Variants in ZFYVE9 observed in about 807,000 individuals in gnomAD.
ZFYVE9 encodes the protein zinc finger FYVE domain-containing protein 9.
A neutral mutation model predicts 126.7 loss-of-function variants in ZFYVE9; 43 were observed. That is an observed-to-expected ratio of 0.34 (90% CI 0.27 to 0.44). The LOEUF (loss-of-function observed/expected upper bound fraction) is 0.44, where lower values mean the gene tolerates loss of function less well. Ranked by LOEUF, ZFYVE9 falls within the 20% of genes least tolerant of loss-of-function variation. The pLI, the probability that ZFYVE9 is intolerant of heterozygous loss-of-function variation, is 1.00. For missense variants in ZFYVE9, 1,476 were observed against 1,697.0 expected (o/e 0.87, Z 2.29); for synonymous variants, 521 against 597.4 (o/e 0.87, Z 1.87).
At position 52,238,639 on chromosome 1, in the gene ZFYVE9, A is replaced by T; in HGVS notation, c.1222A>T (p.Asn408Tyr). 6.2e-7 allele frequency: 1 copy of T among 1,614,088 alleles called. No homozygotes were observed. Among genetic ancestry groups the T allele is most frequent in the Non-Finnish European group, 8.5e-7 (1 of 1,179,976 alleles). ...GACTAATTGGAAGTTGACTAAACTAAATGAGATGAATGATAGCCAAGTAAA... is the reference window on the plus strand; with the variant it reads ...GACTAATTGGAAGTTGACTAAACTATATGAGATGAATGATAGCCAAGTAAA... ...DMTNWKLTKLNEMNDSQVNEE... is the reference protein window; with the variant it reads ...DMTNWKLTKLYEMNDSQVNEE... The change falls in exon 4 of 19, where the codon AAT becomes TAT. Residue 408 changes from asparagine (N) to tyrosine (Y), a missense_variant. By Grantham distance (143) the Asn-to-Tyr change is moderately radical. Coordinates refer to ENST00000287727, the MANE Select transcript of ZFYVE9 (RefSeq NM_004799.4).
intron 1 of ZFYVE9, among the ~76,000 whole-genome samples, chr1:52,195,214 C>T (rs1392407703): frequency 2.0e-5 from 3 of 152,090 alleles, no homozygotes; most frequent in African/African-American, 7.2e-5. Flanking sequence ...CAGCTTCTAG[C>T]TCATGGAAGC....
chr1:52,153,819 A>G (rs1254019866), intron 1 of ZFYVE9, among the ~76,000 whole-genome samples: 8 of 152,200 alleles, frequency 5.3e-5, no homozygotes, highest in South Asian at 2.1e-4. Context: ...TGGGAAGCAC[A>G]AAGTAGATCA....
At chr1:52,311,759 A>G (rs2147850558) in intron 13 of ZFYVE9, among the ~76,000 whole-genome samples, 1 of 152,034 alleles carries the variant, frequency 6.6e-6, no homozygotes. Flanking sequence ...TATCATTCAG[A>G]TTAATTGTTC....
At chr1:52,175,775 C>T (rs571212549) in intron 1 of ZFYVE9, among the ~76,000 whole-genome samples, 53 of 152,282 alleles carry the variant, frequency 3.5e-4, no homozygotes, top group African/African-American at 8.2e-4. Flanking sequence ...TCACTGAAAC[C>T]GTTTCTTCCA....
In ZFYVE9 at chr1:52,239,088, G is replaced by A. The variant is rs112779296; in HGVS notation, c.1671G>A (p.Val557=). 6.2e-7 allele frequency: 1 copy of A among 1,614,102 alleles called. No homozygotes were observed. The highest frequency in any genetic ancestry group is 8.5e-7 in the Non-Finnish European group (1 of 1,180,004). Reference sequence around the variant, plus strand: ...ATTTCTGTAGTCAAGTTCCATCAGTGCTTGGGCAATCTTCCCCCAAGGTAG... The same window carrying A: ...ATTTCTGTAGTCAAGTTCCATCAGTACTTGGGCAATCTTCCCCCAAGGTAG... The part of the protein sequence containing the change: ...LHNFCSQVPS[V]LGQSSPKVVA... The change falls in exon 4 of 19, where the codon GTG becomes GTA. Residue 557 remains valine, a synonymous_variant. Coordinates refer to ENST00000287727, the MANE Select transcript of ZFYVE9 (RefSeq NM_004799.4).
In ZFYVE9 at chr1:52,231,457, G is replaced by T. The variant is rs369594974; in HGVS notation, c.-36-1714G>T. 7.4e-3 allele frequency among the ~76,000 whole-genome samples: 1,126 copies of T among 151,970 alleles called. 15 individuals are homozygous for T. The highest frequency in any genetic ancestry group is 0.026 in the African/African-American group (1,086 of 41,438). On this transcript the variant is annotated intron_variant, in intron 2 of 18. Transcript: ENST00000287727. ...CGCTTGAATCCAGGAGGGGGAGGTT[G>T]CAGTGAGCTGAGATTGAGCCACTGC...
intron 13 of ZFYVE9, 35 bp from the exon 14 acceptor site, chr1:52,332,732 AT>A: frequency 6.3e-7 from 1 of 1,598,236 alleles, no homozygotes; most frequent in Non-Finnish European, 8.5e-7. Context: ...AAAAATGCCC[AT>A]TCTTGTCAGA....
intron 1 of ZFYVE9, among the ~76,000 whole-genome samples, chr1:52,198,268 C>G (rs72893942): frequency 0.047 from 7,051 of 151,426 alleles, 420 homozygotes; most frequent in African/African-American, 0.14. Flanking sequence ...ATTACAGGCA[C>G]CCAACCACCA....
Position 52,238,058 on chromosome 1 carries a change from A to T in ZFYVE9, c.641A>T (p.Asp214Val), listed in dbSNP as rs1377571441. The change falls in exon 4 of 19, where the codon GAT (aspartate) becomes GTT (valine). Residue 214 changes from aspartate to valine, a missense_variant. Physicochemically the swap from Asp to Val is radical, Grantham distance 152. Coordinates refer to ENST00000287727, the MANE Select transcript of ZFYVE9 (RefSeq NM_004799.4). The part of the protein sequence containing the change: ...EKDMNSEKQM[D>V]PLNRPKTEGR... ...GATATGAATTCAGAGAAACAAATGG[A>T]TCCATTGAATAGACCGAAAACAGAG... 2 of 1,614,016 alleles carry T rather than the reference A, an allele frequency of 1.2e-6. No homozygotes were observed. Among genetic ancestry groups the T allele is most frequent in the South Asian group, 1.1e-5 (1 of 91,074 alleles).
chr1:52,148,947 ATTTTTTTTTTTTTTTTTT>A (rs56300233), intron 1 of ZFYVE9, among the ~76,000 whole-genome samples: 35 of 34,258 alleles, frequency 1.0e-3, no homozygotes, highest in South Asian at 2.4e-3. Context: ...CCTTAACATG[ATTTTTTTTTTTTTTTTTT>A]TTTTTTTTTT....
intron 13 of ZFYVE9, among the ~76,000 whole-genome samples, chr1:52,329,159 T>A (rs895436730): frequency 3.3e-5 from 5 of 152,204 alleles, no homozygotes; most frequent in Non-Finnish European, 7.3e-5. Flanking sequence ...TTGCAAGCCG[T>A]ATCAAAATTT....
intron 3 of ZFYVE9, among the ~76,000 whole-genome samples, chr1:52,233,869 C>T (rs1307076166): frequency 2.0e-5 from 3 of 152,190 alleles, no homozygotes; most frequent in Non-Finnish European, 4.4e-5. Flanking sequence ...GAACCTCTGC[C>T]TCCCTGGCTG....
chr1:52,176,720 C>T (rs1426866187), intron 1 of ZFYVE9, among the ~76,000 whole-genome samples: 1 of 152,218 alleles, frequency 6.6e-6, no homozygotes, highest in Non-Finnish European at 1.5e-5. Flanking sequence ...CCCAGCCTCG[C>T]TGCCGCCTTG....
At chr1:52,321,641 C>T (rs1438045292) in intron 13 of ZFYVE9, among the ~76,000 whole-genome samples, 1 of 152,104 alleles carries the variant, frequency 6.6e-6, no homozygotes, top group African/African-American at 2.4e-5. Context: ...AGTGGTTCTA[C>T]TACACTGGAC....
In ZFYVE9 at chr1:52,290,318, A is replaced by G. The variant is rs538909136; in HGVS notation, c.3026-3135A>G. 1.2e-4 allele frequency among the ~76,000 whole-genome samples: 19 copies of G among 152,320 alleles called. 1 individual carries two copies. The South Asian group carries it at 3.9e-3, about 32-fold the overall frequency. On this transcript the variant is annotated intron_variant, in intron 10 of 18. Transcript: ENST00000287727. ...TCATAACAAACCCACTCCCAGGATA[A>G]CAGCATTAATCCAGTCACCTCTCAT...
At chr1:52,205,535 ATTTTTT>A (rs71577261) in intron 1 of ZFYVE9, among the ~76,000 whole-genome samples, 4 of 142,354 alleles carry the variant, frequency 2.8e-5, no homozygotes, top group African/African-American at 1.0e-4. Context: ...GGCTAATTAA[ATTTTTT>A]TTTTTTTTTT....
At chr1:52,292,841 A>G (rs1645935996) in intron 10 of ZFYVE9, among the ~76,000 whole-genome samples, 1 of 152,162 alleles carries the variant, frequency 6.6e-6, no homozygotes, top group African/African-American at 2.4e-5. Flanking sequence ...GTAAAGCTGT[A>G]CAGTTTAACC....
chr1:52,203,467 C>CT (rs143649191), intron 1 of ZFYVE9, among the ~76,000 whole-genome samples: 4 of 89,940 alleles, frequency 4.4e-5, no homozygotes, highest in Admixed American at 2.2e-4. Flanking sequence ...ACAGACCCGT[C>CT]TTTTTTTTTT....
At chr1:52,167,569 A>G (rs1274273234) in intron 1 of ZFYVE9, among the ~76,000 whole-genome samples, 2 of 152,162 alleles carry the variant, frequency 1.3e-5, no homozygotes, top group African/African-American at 4.8e-5. Flanking sequence ...ATATGATGCC[A>G]CCGTCACTTG....
Sources: allele counts gnomAD v4.1 joint callset (sites outside exome capture counted in the v4.1 genomes callset), GRCh38; gene constraint gnomAD v4.1.1; transcripts MANE v1.5; gene names NCBI Gene and HGNC (gene_info 2026-07-23, HGNC 2026-07-21).